Variants in CDYL2 observed in about 807,000 individuals in gnomAD.
The protein encoded by CDYL2 is chromodomain Y like 2, also known as chromodomain Y-like protein 2.
A neutral mutation model predicts 49.4 loss-of-function variants in CDYL2; 23 were observed. The observed-to-expected ratio is 0.47, with a 90% CI of 0.34 to 0.66. The LOEUF (loss-of-function observed/expected upper bound fraction) is 0.66. CDYL2 is among the 30% of genes least tolerant of loss of function. The pLI, the probability that CDYL2 is intolerant of heterozygous loss-of-function variation, is 0.01. For synonymous variants in CDYL2, 360 were observed against 268.8 expected (o/e 1.34, Z -3.32); for missense variants, 678 against 656.4 (o/e 1.03, Z -0.36).
chr16:80,653,942 G>A (rs1908694341), intron 2 of CDYL2, among the ~76,000 whole-genome samples: 1 of 152,134 alleles, frequency 6.6e-6, no homozygotes, highest in Non-Finnish European at 1.5e-5. Flanking sequence ...CAAACCCCAG[G>A]AGTCACTGTG....
Position 80,704,148 on chromosome 16 carries a change from C to T in CDYL2, c.25-19019G>A, listed in dbSNP as rs111305050. On this transcript the variant is annotated intron_variant, in intron 1 of 6. Coordinates refer to ENST00000570137, the MANE Select transcript of CDYL2 (RefSeq NM_152342.4). Reference sequence around the variant, plus strand: ...TTCTGAAACCTCATTAACCAACTCCCTTCTTTCCTTTCGCACCCTCATCCA... The same window carrying T: ...TTCTGAAACCTCATTAACCAACTCCTTTCTTTCCTTTCGCACCCTCATCCA... Among the ~76,000 whole-genome samples the T allele has an allele frequency of 8.6e-3, 1,303 of 152,324 alleles. 23 individuals carry two copies. The highest frequency in any genetic ancestry group is 0.029 in the African/African-American group (1,220 of 41,570).
Position 80,612,612 on chromosome 16 carries a change from C to G in CDYL2, c.1218+14G>C. On this transcript the variant is annotated intron_variant, in intron 5 of 6. Coordinates refer to ENST00000570137, the MANE Select transcript of CDYL2 (RefSeq NM_152342.4). This position sits in a 1 kb window ranked among gnomAD's most constrained non-coding sequence, Gnocchi z 5.0. ...CCTGCTGGGACCCGAATCCAGGTAT[C>G]ACAGGAGGCTTACCAGCGCGACGCC... 1.3e-6 allele frequency: 2 copies of G among 1,590,628 alleles called. No individual in the cohort carries two copies. The highest frequency in any genetic ancestry group is 2.2e-4 in the Middle Eastern group (1 of 4,582).
At chr16:80,677,144 T>C (rs1909783336) in intron 2 of CDYL2, among the ~76,000 whole-genome samples, 1 of 151,878 alleles carries the variant, frequency 6.6e-6, no homozygotes, top group Non-Finnish European at 1.5e-5. Context: ...CTAATTTTTG[T>C]ATTTTTTTGG....
intron 2 of CDYL2, among the ~76,000 whole-genome samples, chr16:80,634,679 T>C (rs1907736550): frequency 6.6e-6 from 1 of 151,968 alleles, no homozygotes; most frequent in African/African-American, 2.4e-5. Flanking sequence ...AATAAAGAAA[T>C]ACTAAGAAAA....
At chr16:80,709,254 C>T (rs1478881207) in intron 1 of CDYL2, among the ~76,000 whole-genome samples, 1 of 151,922 alleles carries the variant, frequency 6.6e-6, no homozygotes, top group Non-Finnish European at 1.5e-5. Flanking sequence ...TGGTGGCGTG[C>T]ACCTGTAGCC....
intron 1 of CDYL2, among the ~76,000 whole-genome samples, chr16:80,793,156 T>C (rs907463259): frequency 2.0e-4 from 31 of 152,180 alleles, no homozygotes; most frequent in Non-Finnish European, 3.1e-4. Context: ...ACGGACAGTA[T>C]ATCTCAAACT....
At chr16:80,637,785 T>C (rs1237239584) in intron 2 of CDYL2, among the ~76,000 whole-genome samples, 1 of 152,182 alleles carries the variant, frequency 6.6e-6, no homozygotes, top group Non-Finnish European at 1.5e-5. Flanking sequence ...ACAAGACAAA[T>C]GTTTGAGGTG....
chr16:80,656,727 A>G (rs574771868), intron 2 of CDYL2, among the ~76,000 whole-genome samples: 4 of 152,350 alleles, frequency 2.6e-5, no homozygotes, highest in African/African-American at 9.6e-5. Context: ...GAGAGAGTCA[A>G]TAAGATGAAG....
intron 2 of CDYL2, among the ~76,000 whole-genome samples, chr16:80,669,938 C>T (rs146029312): frequency 2.0e-5 from 3 of 152,310 alleles, no homozygotes; most frequent in Non-Finnish European, 4.4e-5. Flanking sequence ...GGAGCTGACT[C>T]GGTCCTGTGA....
At chr16:80,800,285 G>A (rs1374547317) in intron 1 of CDYL2, among the ~76,000 whole-genome samples, 1 of 152,124 alleles carries the variant, frequency 6.6e-6, no homozygotes, top group Non-Finnish European at 1.5e-5. Flanking sequence ...GCTACACCCT[G>A]GATCAGACTT....
intron 1 of CDYL2, among the ~76,000 whole-genome samples, chr16:80,786,531 C>G (rs1907441546): frequency 6.6e-6 from 1 of 152,254 alleles, no homozygotes; most frequent in African/African-American, 2.4e-5. Context: ...GTAAATCAGT[C>G]CAACCATTGT....
chr16:80,616,991 G>A (rs192276328), intron 4 of CDYL2, among the ~76,000 whole-genome samples: 59 of 152,294 alleles, frequency 3.9e-4, no homozygotes, highest in African/African-American at 1.3e-3. Context: ...GCTTCCAGGG[G>A]CCATGTGGGC....
intron 1 of CDYL2, among the ~76,000 whole-genome samples, chr16:80,712,306 C>T (rs1301238875): frequency 6.6e-6 from 1 of 150,890 alleles, no homozygotes; most frequent in Non-Finnish European, 1.5e-5. Context: ...TGAAACGTAG[C>T]CACTGGATCA....
Position 80,652,783 on chromosome 16 carries a change from A to C in CDYL2, c.617-19547T>G, listed in dbSNP as rs192318712. 8.3e-4 allele frequency among the ~76,000 whole-genome samples: 126 copies of C among 152,284 alleles called. 1 individual carries two copies. In the East Asian group the frequency reaches 0.014, roughly 17 times the overall value. On this transcript the variant is annotated intron_variant, in intron 2 of 6. Transcript: ENST00000570137. Reference sequence around the variant, plus strand: ...GGGTCCCTCCTCCCAAAAACTCACAACACCACTCTAATCATGAGAAAAACA... The same window carrying C: ...GGGTCCCTCCTCCCAAAAACTCACACCACCACTCTAATCATGAGAAAAACA...
Position 80,727,282 on chromosome 16 carries a change from C to T in CDYL2, c.25-42153G>A, listed in dbSNP as rs960791745. ...AAGCAGGGCGAGGCATTGCCTCACT[C>T]GGCAAGCGCAAGGGGTCAGGGAGTT... On this transcript the variant is annotated intron_variant, in intron 1 of 6. Transcript: ENST00000570137. Among the ~76,000 whole-genome samples the T allele has an allele frequency of 5.3e-5, 8 of 152,330 alleles. 1 individual carries two copies. The highest frequency in any genetic ancestry group is 1.4e-4 in the African/African-American group (6 of 41,580).
intron 1 of CDYL2, among the ~76,000 whole-genome samples, chr16:80,715,569 C>A (rs1020718830): frequency 3.9e-5 from 6 of 152,130 alleles, no homozygotes; most frequent in Non-Finnish European, 7.4e-5. Context: ...AATCTCTGCA[C>A]CCCTCCGGCC....
intron 1 of CDYL2, among the ~76,000 whole-genome samples, chr16:80,776,254 C>T (rs904739334): frequency 5.9e-5 from 9 of 151,990 alleles, no homozygotes; most frequent in African/African-American, 2.2e-4. Context: ...GTTAAGCACT[C>T]AATTCAACTA....
intron 1 of CDYL2, among the ~76,000 whole-genome samples, chr16:80,695,071 G>A (rs139583990): frequency 6.6e-6 from 1 of 152,366 alleles, no homozygotes; most frequent in East Asian, 1.9e-4. Flanking sequence ...GATATAAACA[G>A]GTGAATTAAT....
Position 80,770,112 on chromosome 16 carries a change from G to C in CDYL2, c.24+34038C>G, listed in dbSNP as rs551827521. 1.9e-3 allele frequency among the ~76,000 whole-genome samples: 287 copies of C among 151,866 alleles called. 1 individual carries two copies. The highest frequency in any genetic ancestry group is 6.2e-3 in the African/African-American group (258 of 41,442). On this transcript the variant is annotated intron_variant, in intron 1 of 6. Transcript: ENST00000570137. ...AAACAATTGTCTGAGAATTAAGGAT[G>C]AAAAAAAATGATAGGCAAAATGACA...
Sources: allele counts gnomAD v4.1 joint callset (sites outside exome capture counted in the v4.1 genomes callset), GRCh38; gene constraint gnomAD v4.1.1; non-coding constraint Gnocchi (gnomAD v3.1); transcripts MANE v1.5; gene names NCBI Gene and HGNC (gene_info 2026-07-23, HGNC 2026-07-21).